Variants in CNOT4 observed in about 807,000 individuals in gnomAD.
CNOT4 encodes CCR4-associated factor 4.
Under a neutral mutation model 73.8 loss-of-function variants are expected in CNOT4, and 8 were observed. The observed-to-expected ratio is 0.11, with a 90% CI of 0.06 to 0.20. The LOEUF (loss-of-function observed/expected upper bound fraction) is 0.20, where lower values mean the gene tolerates loss of function less well. Among genes scored for constraint, CNOT4 ranks in the 10% least tolerant of loss-of-function variants. The probability of loss-of-function intolerance (pLI) is 1.00; values close to 1 mark genes in which losing one functional copy is unlikely to be tolerated. For synonymous variants in CNOT4, 293 were observed against 321.1 expected (o/e 0.91, Z 0.94); for missense variants, 564 against 883.4 (o/e 0.64, Z 4.58).
At chr7:135,405,494 C>T (rs1261668545) in intron 7 of CNOT4, among the ~76,000 whole-genome samples, 1 of 152,162 alleles carries the variant, frequency 6.6e-6, no homozygotes, top group African/African-American at 2.4e-5. Flanking sequence ...AAGCCCCAAA[C>T]TTAAAAATAA....
chr7:135,475,196 T>C (rs1585703361), intron 1 of CNOT4, among the ~76,000 whole-genome samples: 1 of 152,172 alleles, frequency 6.6e-6, no homozygotes, highest in East Asian at 1.9e-4. Flanking sequence ...CATTTTAGAA[T>C]CTCATCACTG....
intron 2 of CNOT4, among the ~76,000 whole-genome samples, chr7:135,430,650 A>G (rs2129484936): frequency 6.6e-6 from 1 of 152,328 alleles, no homozygotes; most frequent in South Asian, 2.1e-4. Context: ...ATCGCTTTAA[A>G]AAAAACCAAA....
intron 1 of CNOT4, among the ~76,000 whole-genome samples, chr7:135,473,574 C>G (rs546289333): frequency 6.6e-6 from 1 of 152,096 alleles, no homozygotes. Flanking sequence ...TGGCATAATC[C>G]TGTGTCTACA....
intron 1 of CNOT4, among the ~76,000 whole-genome samples, chr7:135,501,484 T>C (rs920502785): frequency 4.6e-5 from 7 of 152,212 alleles, no homozygotes; most frequent in Admixed American, 3.3e-4. Context: ...TGACAAATCC[T>C]GTAGAATTTC....
At chr7:135,420,688 G>GA (rs1798140005) in intron 3 of CNOT4, among the ~76,000 whole-genome samples, 1 of 151,350 alleles carries the variant, frequency 6.6e-6, no homozygotes, top group African/African-American at 2.4e-5. Context: ...CCTGTGGTTA[G>GA]AAAAAAGGTA....
At chr7:135,506,835 G>A (rs1305734837) in intron 1 of CNOT4, among the ~76,000 whole-genome samples, 3 of 150,528 alleles carry the variant, frequency 2.0e-5, no homozygotes, top group Non-Finnish European at 4.4e-5. Flanking sequence ...GTGACAGAGC[G>A]AGACTGTCTC....
intron 1 of CNOT4, among the ~76,000 whole-genome samples, chr7:135,483,804 A>C (rs932377211): frequency 2.6e-5 from 4 of 152,222 alleles, no homozygotes. Flanking sequence ...TGACAGAGTG[A>C]GACCCCGTCT....
At chr7:135,504,072 C>A (rs1804178400) in intron 1 of CNOT4, among the ~76,000 whole-genome samples, 1 of 152,112 alleles carries the variant, frequency 6.6e-6, no homozygotes, top group African/African-American at 2.4e-5. Flanking sequence ...TTAAAAGGTT[C>A]TTAAATAATC....
intron 3 of CNOT4, among the ~76,000 whole-genome samples, 162 bp from the exon 4 acceptor site, chr7:135,415,424 C>T (rs1157716470): frequency 1.3e-5 from 2 of 152,046 alleles, no homozygotes; most frequent in African/African-American, 4.8e-5. Context: ...GTGTAGCTAA[C>T]CTATAGGAAA....
chr7:135,430,039 G>A (rs972000811), intron 2 of CNOT4, among the ~76,000 whole-genome samples: 2 of 152,176 alleles, frequency 1.3e-5, no homozygotes, highest in Non-Finnish European at 2.9e-5. Context: ...GTTTTCATAG[G>A]TGTCTTTCCA....
At chr7:135,476,576 C>T (rs1802008800) in intron 1 of CNOT4, among the ~76,000 whole-genome samples, 1 of 152,174 alleles carries the variant, frequency 6.6e-6, no homozygotes, top group South Asian at 2.1e-4. Context: ...ACGGGGTAGG[C>T]TAAAGCCAGA....
chr7:135,436,136 C>T (rs2129485243), intron 2 of CNOT4, among the ~76,000 whole-genome samples: 1 of 58,762 alleles, frequency 1.7e-5, no homozygotes, highest in South Asian at 8.2e-4. Context: ...CCCAGGACAC[C>T]CTTTTATTCA....
chr7:135,410,844 C>CA (rs1206272274), intron 6 of CNOT4, among the ~76,000 whole-genome samples, 196 bp from the exon 7 acceptor site: 49 of 151,346 alleles, frequency 3.2e-4, no homozygotes, highest in South Asian at 2.7e-3. Flanking sequence ...CACAAAACTT[C>CA]TAGATCAATG....
At chr7:135,400,262 G>A (rs919579085) in intron 7 of CNOT4, among the ~76,000 whole-genome samples, 1 of 152,048 alleles carries the variant, frequency 6.6e-6, no homozygotes, top group Admixed American at 6.5e-5. Context: ...GGACAGAAAG[G>A]TAAACACAGG....
At chr7:135,370,888 T>C (rs1430778902) in intron 10 of CNOT4, among the ~76,000 whole-genome samples, 1 of 152,208 alleles carries the variant, frequency 6.6e-6, no homozygotes, top group South Asian at 2.1e-4. Flanking sequence ...ATGTTTTTAA[T>C]AGCATTTCAG....
chr7:135,380,133 A>C (rs1795762245), intron 10 of CNOT4, among the ~76,000 whole-genome samples: 2 of 152,168 alleles, frequency 1.3e-5, no homozygotes, highest in East Asian at 1.9e-4. Context: ...GGAAAAAAAA[A>C]AAAACAAAAA....
chr7:135,501,528 C>T (rs1056166777), intron 1 of CNOT4, among the ~76,000 whole-genome samples: 2 of 152,154 alleles, frequency 1.3e-5, no homozygotes, highest in African/African-American at 2.4e-5. Flanking sequence ...CTCCTTACCT[C>T]AGTGGCTTGG....
intron 10 of CNOT4, among the ~76,000 whole-genome samples, chr7:135,365,325 GA>G (rs146909266): frequency 0.076 from 11,609 of 152,182 alleles, 596 homozygotes; most frequent in East Asian, 0.16. Flanking sequence ...CAAGACAACA[GA>G]AGGGAAAATA....
In CNOT4 at chr7:135,378,984, C is replaced by CAAA. The variant is rs34447722; in HGVS notation, c.1628-14921_1628-14919dup. On this transcript the variant is annotated intron_variant, in intron 10 of 11. Coordinates refer to ENST00000541284, the MANE Select transcript of CNOT4 (RefSeq NM_001190850.2). Reference sequence around the variant, plus strand: ...TGGGCAACACAGTGAAACCCTGTCTCAAAAAAAAAAAAAAAAAGGAAGAAG... The same window carrying CAAA: ...TGGGCAACACAGTGAAACCCTGTCTCAAAAAAAAAAAAAAAAAAAAGGAAGAAG... Among the ~76,000 whole-genome samples, 271 of 97,114 alleles carry CAAA rather than the reference C, an allele frequency of 2.8e-3. 11 individuals carry two copies. The East Asian group carries it at 0.072, about 26-fold the overall frequency. 63.7% of individuals were successfully genotyped at this position (97,114 alleles called of 152,430 possible).
Sources: gnomAD v4.1 joint callset for allele counts (sites outside exome capture counted in the v4.1 genomes callset) on GRCh38, gnomAD v4.1.1 for gene constraint, MANE v1.5 for transcripts, NCBI Gene and HGNC (gene_info 2026-07-23, HGNC 2026-07-21) for gene names.